The following ADARB2 variants were observed in gnomAD, a reference collection of about 807,000 sequenced individuals.
ADARB2 encodes the protein adenosine deaminase RNA specific B2 (inactive), also known as inactive double-stranded RNA-specific editase B2.
ADARB2 carries 25 observed loss-of-function variants against 62.2 expected under a neutral mutation model. The observed-to-expected ratio is 0.40, with a 90% CI of 0.29 to 0.56. The LOEUF is 0.56. ADARB2 is among the 20% of genes least tolerant of loss of function. The probability of loss-of-function intolerance (pLI) is 0.43; values close to 1 mark genes in which losing one functional copy is unlikely to be tolerated. For synonymous variants in ADARB2, 572 were observed against 500.8 expected, an observed-to-expected ratio of 1.14 and a Z score of -1.90; for missense variants, 1,071 against 1,077.4, an observed-to-expected ratio of 0.99 and a Z score of 0.08.
rs117179034 is a variant in ADARB2 at position 1,255,838 on chromosome 10, C to T, written c.1193-13539G>A. Among the ~76,000 whole-genome samples the T allele has an allele frequency of 1.5e-4, 23 of 152,244 alleles. No homozygotes were observed. The East Asian group carries it at 4.1e-3, about 27-fold the overall frequency. ...GTCAAACACACTATAGCCCCATCAG[C>T]GGGCAGGACAAGTTGGGCCCTGACA... On this transcript the variant is annotated intron_variant, in intron 4 of 9. Transcript: ENST00000381312. The surrounding 1 kb of genome is among the most constrained non-coding windows in gnomAD (Gnocchi z 4.7).
intron 3 of ADARB2, among the ~76,000 whole-genome samples, chr10:1,308,068 C>G (rs1271827614): frequency 6.7e-5 from 9 of 134,190 alleles, no homozygotes; most frequent in Non-Finnish European, 1.5e-4. Context: ...TACCCTAAAA[C>G]TTAAAGTATA....
chr10:1,349,831 T>C (rs1832117812), intron 3 of ADARB2, among the ~76,000 whole-genome samples: 2 of 152,164 alleles, frequency 1.3e-5, no homozygotes, highest in Admixed American at 6.5e-5. Flanking sequence ...GTTCCACTGA[T>C]GTCTGATCTC....
At chr10:1,365,348 C>T (rs533106367) in intron 2 of ADARB2, among the ~76,000 whole-genome samples, 68 of 152,202 alleles carry the variant, frequency 4.5e-4, no homozygotes, top group African/African-American at 1.5e-3. Context: ...CTCCACGGAC[C>T]GGCCGTTCCC....
At chr10:1,403,986 C>A in intron 1 of ADARB2, among the ~76,000 whole-genome samples, 1 of 151,948 alleles carries the variant, frequency 6.6e-6, no homozygotes. Context: ...CGACATTGCA[C>A]CCCAGGGTCA....
At chr10:1,272,452 A>G (rs902091775) in intron 3 of ADARB2, among the ~76,000 whole-genome samples, 4 of 152,274 alleles carry the variant, frequency 2.6e-5, no homozygotes, top group African/African-American at 7.2e-5. Context: ...AGCAAAAAAC[A>G]TGCCACAAAA....
At chr10:1,505,722 C>T (rs996235384) in intron 1 of ADARB2, among the ~76,000 whole-genome samples, 11 of 148,000 alleles carry the variant, frequency 7.4e-5, no homozygotes, top group African/African-American at 2.0e-4. Flanking sequence ...TCCCCATGCC[C>T]GTGGTTCTGC....
At chr10:1,712,918 A>G (rs895589575) in intron 1 of ADARB2, among the ~76,000 whole-genome samples, 3 of 151,954 alleles carry the variant, frequency 2.0e-5, no homozygotes, top group Non-Finnish European at 4.4e-5. Context: ...CACCACCATT[A>G]CTTTCACTGC....
At chr10:1,675,560 C>T (rs1834456738) in intron 1 of ADARB2, among the ~76,000 whole-genome samples, 1 of 150,132 alleles carries the variant, frequency 6.7e-6, no homozygotes, top group African/African-American at 2.5e-5. Context: ...CATGGATGTT[C>T]TGGAGGTTTG....
chr10:1,246,770 G>A (rs1000052610), intron 4 of ADARB2, among the ~76,000 whole-genome samples: 21 of 149,576 alleles, frequency 1.4e-4, no homozygotes, highest in Middle Eastern at 3.4e-3. Flanking sequence ...GTCAGGTAGT[G>A]TGATGCCTCC....
chr10:1,186,549 C>T (rs1376743181), intron 8 of ADARB2: 2 of 519,052 alleles, frequency 3.9e-6, no homozygotes, highest in East Asian at 5.4e-5. Flanking sequence ...CCCTCTCATT[C>T]ATGCCTCCTC....
At chr10:1,290,140 T>C (rs1428538545) in intron 3 of ADARB2, 1 of 152,256 alleles carries the variant, frequency 6.6e-6, no homozygotes, top group Non-Finnish European at 1.5e-5. Context: ...GACTGAGTCA[T>C]ACGAGGCTGA....
intron 1 of ADARB2, among the ~76,000 whole-genome samples, chr10:1,559,393 A>G (rs999809838): frequency 3.9e-5 from 6 of 152,180 alleles, no homozygotes; most frequent in African/African-American, 1.4e-4. Context: ...AAGATCCTGC[A>G]AGTGACACGG....
chr10:1,721,650 G>C (rs1179575079), intron 1 of ADARB2, among the ~76,000 whole-genome samples: 1 of 152,332 alleles, frequency 6.6e-6, no homozygotes, highest in Non-Finnish European at 1.5e-5. Context: ...GCTCACAAAA[G>C]CCCATTTAAG....
At chr10:1,646,518 C>T (rs545504070) in intron 1 of ADARB2, among the ~76,000 whole-genome samples, 2 of 152,310 alleles carry the variant, frequency 1.3e-5, no homozygotes, top group East Asian at 1.9e-4. Flanking sequence ...CGGCTTTAGC[C>T]GCTGGTGGGC....
intron 1 of ADARB2, among the ~76,000 whole-genome samples, chr10:1,677,727 G>A (rs1389755316): frequency 6.6e-6 from 1 of 152,144 alleles, no homozygotes; most frequent in Non-Finnish European, 1.5e-5. Flanking sequence ...CTGTCACAGA[G>A]GGGAGCAGCT....
intron 1 of ADARB2, among the ~76,000 whole-genome samples, chr10:1,472,002 T>A (rs1831328279): frequency 6.6e-6 from 1 of 152,222 alleles, no homozygotes; most frequent in Admixed American, 6.5e-5. Context: ...AGTTTATTTA[T>A]GCTATAATTC....
At chr10:1,405,975 G>A (rs2805530) in intron 1 of ADARB2, among the ~76,000 whole-genome samples, 144,400 of 150,356 alleles carry the variant, frequency 0.96, 69,573 homozygotes, top group Non-Finnish European at 1. Context: ...CTTCTCCAAG[G>A]TACACCCATT....
At chr10:1,466,701 A>G (rs1222446865) in intron 1 of ADARB2, among the ~76,000 whole-genome samples, 1 of 152,080 alleles carries the variant, frequency 6.6e-6, no homozygotes, top group African/African-American at 2.4e-5. Context: ...AATTCAGTAG[A>G]CTTTTCTGTT....
At chr10:1,558,349 A>T (rs61831947) in intron 1 of ADARB2, among the ~76,000 whole-genome samples, 15 of 47,744 alleles carry the variant, frequency 3.1e-4, no homozygotes, top group Middle Eastern at 0.011. Context: ...CCTCTGTCCC[A>T]TTCTGTGGGT....
Sources: gnomAD v4.1 joint callset for allele counts (sites outside exome capture counted in the v4.1 genomes callset) on GRCh38, gnomAD v4.1.1 for gene constraint, Gnocchi (gnomAD v3.1) non-coding constraint, MANE v1.5 for transcripts, NCBI Gene and HGNC (gene_info 2026-07-23, HGNC 2026-07-21) for gene names.